Variants in FIG4 observed in about 807,000 individuals in gnomAD.
FIG4 encodes polyphosphoinositide phosphatase.
A neutral mutation model predicts 118.6 loss-of-function variants in FIG4; 112 were observed. That is an observed-to-expected ratio of 0.94 (90% CI 0.81 to 1.11). FIG4 has a LOEUF of 1.11. Ranked by LOEUF, FIG4 falls within the 50% of genes least tolerant of loss-of-function variation. FIG4 has a pLI of 0.00. For synonymous variants in FIG4, 369 were observed against 381.2 expected (o/e 0.97, Z 0.37); for missense variants, 969 against 1,111.7 (o/e 0.87, Z 1.83).
intron 1 of FIG4, among the ~76,000 whole-genome samples, chr6:109,708,642 CTT>C (rs1203502784): frequency 6.6e-6 from 1 of 152,122 alleles, no homozygotes; most frequent in African/African-American, 2.4e-5. Context: ...TGTTTTTTGA[CTT>C]TTTAGTAATA....
Position 109,825,369 on chromosome 6 carries a change from T to C in FIG4, c.*104T>C. The C allele has an allele frequency of 9.4e-7, 1 of 1,061,468 alleles. No individual in the cohort carries two copies. The highest frequency in any genetic ancestry group is 2.6e-5 in the East Asian group (1 of 39,176). 65.8% of individuals were successfully genotyped at this position (1,061,468 alleles called of 1,614,324 possible). A position where few individuals can be genotyped will look rare whatever the true frequency, so the allele number is the denominator to read the frequency against. ...TAAAAGTCCTTTGCGTCTGAAGCCT[T>C]TCTCCTTTTCTGTCACTTGCAAATT... is the stretch of plus-strand genomic sequence containing the variant. On this transcript the variant is annotated 3_prime_UTR_variant, in exon 23 of 23. Coordinates refer to ENST00000230124, the MANE Select transcript of FIG4 (RefSeq NM_014845.6).
At chr6:109,738,167 A>G (rs1776215076) in intron 6 of FIG4, among the ~76,000 whole-genome samples, 158 bp from the exon 7 acceptor site, 1 of 152,200 alleles carries the variant, frequency 6.6e-6, no homozygotes, top group Admixed American at 6.6e-5. Context: ...TGGCAATGCT[A>G]TTAACCAAGC....
At chr6:109,745,969 A>T (rs200083282) in intron 10 of FIG4, among the ~76,000 whole-genome samples, 1 of 152,074 alleles carries the variant, frequency 6.6e-6, no homozygotes, top group African/African-American at 2.4e-5. Flanking sequence ...AAAGAACAAA[A>T]CTGGAGGCAT....
chr6:109,795,594 C>CTTTTT (rs1562689132), intron 21 of FIG4, among the ~76,000 whole-genome samples: 1 of 42,396 alleles, frequency 2.4e-5, no homozygotes, highest in South Asian at 9.8e-4. Flanking sequence ...TGGTTTCAGT[C>CTTTTT]CTTTTTTTTT....
At chr6:109,815,621 T>G (rs1778841981) in intron 22 of FIG4, among the ~76,000 whole-genome samples, 1 of 151,246 alleles carries the variant, frequency 6.6e-6, no homozygotes, top group Non-Finnish European at 1.5e-5. Flanking sequence ...GACTGGCCTG[T>G]GCAGTGGAGA....
intron 7 of FIG4, among the ~76,000 whole-genome samples, chr6:109,740,038 T>G (rs1776276816): frequency 6.6e-6 from 1 of 152,180 alleles, no homozygotes; most frequent in African/African-American, 2.4e-5. Flanking sequence ...GTGAGTGGTA[T>G]TATCTGGTTG....
rs953361004 is a variant in FIG4 at position 109,751,818 on chromosome 6, T to C, written c.1137+8046T>C. 4.2e-4 allele frequency among the ~76,000 whole-genome samples: 64 copies of C among 151,436 alleles called. 1 individual carries two copies. The highest frequency in any genetic ancestry group is 3.9e-3 in the Admixed American group (59 of 15,206). On this transcript the variant is annotated intron_variant, in intron 10 of 22. Transcript: ENST00000230124. Reference sequence around the variant, plus strand: ...ATTCTTCTCTCTTTTTTTCTTTTTTTTTTAAGTATTTTTTTTCTTTTTTTT... The same window carrying C: ...ATTCTTCTCTCTTTTTTTCTTTTTTCTTTAAGTATTTTTTTTCTTTTTTTT...
chr6:109,707,641 A>G (rs1562638566), intron 1 of FIG4, among the ~76,000 whole-genome samples: 1 of 151,958 alleles, frequency 6.6e-6, no homozygotes, highest in Non-Finnish European at 1.5e-5. Flanking sequence ...ATAGTAAGCC[A>G]CATTAATCTT....
chr6:109,741,848 A>C (rs980740731), intron 8 of FIG4, among the ~76,000 whole-genome samples: 1 of 152,128 alleles, frequency 6.6e-6, no homozygotes, highest in South Asian at 2.1e-4. Context: ...TGTAAATGCT[A>C]TGCAAATAGT....
chr6:109,793,090 A>G (rs1403138955), intron 21 of FIG4, among the ~76,000 whole-genome samples: 4 of 152,240 alleles, frequency 2.6e-5, no homozygotes, highest in Admixed American at 6.5e-5. Context: ...ATTCTGAAAC[A>G]TTGATTTATA....
chr6:109,811,515 C>T (rs1438352144), intron 22 of FIG4, among the ~76,000 whole-genome samples: 2 of 152,258 alleles, frequency 1.3e-5, no homozygotes, highest in African/African-American at 2.4e-5. Context: ...CTTGAAAGAA[C>T]GTAGGTGATT....
intron 22 of FIG4, among the ~76,000 whole-genome samples, chr6:109,810,681 C>T (rs931590584): frequency 1.3e-5 from 2 of 152,170 alleles, no homozygotes; most frequent in Non-Finnish European, 2.9e-5. Flanking sequence ...AATACTCATG[C>T]AATAAATTGT....
At chr6:109,706,075 A>G (rs1163865864) in intron 1 of FIG4, among the ~76,000 whole-genome samples, 3 of 152,254 alleles carry the variant, frequency 2.0e-5, no homozygotes, top group Non-Finnish European at 2.9e-5. Flanking sequence ...CTGAGGCACC[A>G]TATTGTGCTA....
intron 14 of FIG4, among the ~76,000 whole-genome samples, chr6:109,766,462 G>A (rs887784435): frequency 1.3e-5 from 2 of 152,238 alleles, no homozygotes; most frequent in African/African-American, 4.8e-5. Context: ...GTCTTTAAGT[G>A]TGGTTAGAAA....
intron 7 of FIG4, among the ~76,000 whole-genome samples, chr6:109,739,934 A>G (rs189129840): frequency 6.6e-5 from 10 of 152,256 alleles, no homozygotes; most frequent in Non-Finnish European, 2.9e-5. Context: ...GAAAGGCTAG[A>G]TAAAAGCACA....
chr6:109,737,159 A>G (rs1212024157), intron 6 of FIG4, among the ~76,000 whole-genome samples: 2 of 152,168 alleles, frequency 1.3e-5, no homozygotes, highest in Non-Finnish European at 2.9e-5. Flanking sequence ...TAGCCTGCAT[A>G]CATCTTTGTC....
intron 13 of FIG4, among the ~76,000 whole-genome samples, chr6:109,764,297 G>A (rs1562670335): frequency 6.6e-6 from 1 of 152,016 alleles, no homozygotes; most frequent in South Asian, 2.1e-4. Context: ...AATTATCCGG[G>A]CTTGGTGGCA....
intron 15 of FIG4, among the ~76,000 whole-genome samples, chr6:109,772,582 G>A (rs757101986): frequency 1.2e-4 from 19 of 152,030 alleles, no homozygotes; most frequent in Non-Finnish European, 2.4e-4. Flanking sequence ...TCAGCCTTCC[G>A]AGTAGCTGGC....
At chr6:109,755,106 G>C (rs555222397) in intron 10 of FIG4, among the ~76,000 whole-genome samples, 74 of 152,094 alleles carry the variant, frequency 4.9e-4, no homozygotes, top group Non-Finnish European at 8.5e-4. Flanking sequence ...ACACTGCTTT[G>C]AATGTGTCCC....
Sources: gnomAD v4.1 joint callset for allele counts (sites outside exome capture counted in the v4.1 genomes callset) on GRCh38, gnomAD v4.1.1 for gene constraint, MANE v1.5 for transcripts, NCBI Gene and HGNC (gene_info 2026-07-23, HGNC 2026-07-21) for gene names.